The following CAPN8 variants were observed in gnomAD, a reference collection of about 807,000 sequenced individuals.
CAPN8 encodes calpain-8.
CAPN8 carries 87 observed loss-of-function variants against 80.9 expected under a neutral mutation model. The observed-to-expected ratio is 1.07, with a 90% CI of 0.90 to 1.28. CAPN8 has a LOEUF of 1.28. Among genes scored for constraint, CAPN8 ranks in the 50% most tolerant of loss-of-function variants. The probability of loss-of-function intolerance (pLI) is 0.00; values close to 1 mark genes in which losing one functional copy is unlikely to be tolerated. For missense variants in CAPN8, 757 were observed against 702.0 expected, an observed-to-expected ratio of 1.08 and a Z score of -0.89; for synonymous variants, 299 against 273.8, an observed-to-expected ratio of 1.09 and a Z score of -0.91.
intron 3 of CAPN8, 72 bp downstream of exon 3, chr1:223,628,590 G>A: frequency 1.7e-6 from 2 of 1,203,444 alleles, no homozygotes; most frequent in Non-Finnish European, 2.4e-6. Context: ...CAGAATTTCT[G>A]ACGCAGTGGA....
chr1:223,664,966 T>C (rs1174523613), intron 1 of CAPN8, among the ~76,000 whole-genome samples: 2 of 150,450 alleles, frequency 1.3e-5, no homozygotes, highest in African/African-American at 2.5e-5. Flanking sequence ...CAAAAGGTGA[T>C]GGGGGGGCCA....
intron 1 of CAPN8, among the ~76,000 whole-genome samples, chr1:223,659,221 T>G (rs768704996): frequency 3.3e-5 from 5 of 152,216 alleles, no homozygotes; most frequent in Non-Finnish European, 7.3e-5. Context: ...GATGGCTGTT[T>G]GGCCACACTG....
At chr1:223,664,614 T>C (rs1319878847) in intron 1 of CAPN8, among the ~76,000 whole-genome samples, 1 of 152,224 alleles carries the variant, frequency 6.6e-6, no homozygotes, top group Non-Finnish European at 1.5e-5. Context: ...AGCTCATCCA[T>C]GCTCTTCTCT....
At chr1:223,644,521 G>C (rs768791217) in intron 2 of CAPN8, 8 of 154,058 alleles carry the variant, frequency 5.2e-5, no homozygotes, top group Non-Finnish European at 1.0e-4. Context: ...TACAACAGTG[G>C]GGAAAAACAG....
chr1:223,620,226 C>G lies in CAPN8; in HGVS notation c.940G>C (p.Glu314Gln). 1 of 1,551,684 alleles carries G rather than the reference C, an allele frequency of 6.4e-7. No homozygotes were observed. ...CCATCCTCAACTTTCTTGTCCAGTTCTTCCTTCCGCCGGGGGTCTATGTGA... is the reference window on the plus strand; with the variant it reads ...CCATCCTCAACTTTCTTGTCCAGTTGTTCCTTCCGCCGGGGGTCTATGTGA... Reference protein sequence around the residue: ...WNHIDPRRKEELDKKVEDGEF... With the variant: ...WNHIDPRRKEQLDKKVEDGEF... Residue 314 changes from glutamate to glutamine, a missense_variant, in exon 8 of 21, where the codon GAA (glutamate) becomes CAA (glutamine). Physicochemically the swap from Glu to Gln is conservative, Grantham distance 29. Transcript: ENST00000366872.
chr1:223,550,308 C>A (rs1656749192), intron 15 of CAPN8, among the ~76,000 whole-genome samples: 1 of 152,154 alleles, frequency 6.6e-6, no homozygotes, highest in Non-Finnish European at 1.5e-5. Flanking sequence ...GGGCCAAGCC[C>A]CTGCTTCCTG....
intron 8 of CAPN8, among the ~76,000 whole-genome samples, chr1:223,619,918 A>G (rs961702073): frequency 3.3e-5 from 5 of 152,230 alleles, no homozygotes; most frequent in Admixed American, 2.0e-4. Context: ...TTAAAGAGAT[A>G]GAAGCAGTGC....
intron 17 of CAPN8, 152 bp from the exon 18 acceptor site, chr1:223,545,002 T>A: frequency 6.9e-7 from 1 of 1,456,878 alleles, no homozygotes; most frequent in South Asian, 1.4e-5. Context: ...AGAGCAAGCA[T>A]AAGAGCTTGG....
At chr1:223,661,456 C>G (rs925157308) in intron 1 of CAPN8, among the ~76,000 whole-genome samples, 13 of 152,144 alleles carry the variant, frequency 8.5e-5, no homozygotes. Context: ...ATGGCAAAAC[C>G]CTGTCTCTAC....
At chr1:223,631,284 T>C (rs889544847) in intron 2 of CAPN8, among the ~76,000 whole-genome samples, 9 of 152,134 alleles carry the variant, frequency 5.9e-5, no homozygotes, top group Admixed American at 2.0e-4. Context: ...AAAGACCTTA[T>C]TTACGCTTCT....
intron 2 of CAPN8, among the ~76,000 whole-genome samples, chr1:223,634,727 T>C (rs1382773531): frequency 6.6e-6 from 1 of 152,170 alleles, no homozygotes; most frequent in Non-Finnish European, 1.5e-5. Context: ...CTCTAGGGCG[T>C]CTTTTATAAA....
intron 2 of CAPN8, among the ~76,000 whole-genome samples, chr1:223,632,680 T>G (rs1331327403): frequency 2.0e-5 from 3 of 152,158 alleles, no homozygotes; most frequent in Non-Finnish European, 4.4e-5. Flanking sequence ...AATTTTCAAT[T>G]TTTTAATTTT....
chr1:223,543,734 A>T (rs754787818), intron 19 of CAPN8, among the ~76,000 whole-genome samples: 112 of 152,224 alleles, frequency 7.4e-4, no homozygotes, highest in Admixed American at 1.7e-3. Flanking sequence ...ATATAAATAG[A>T]CACTAAACAC....
chr1:223,611,442 T>C (rs1234952246), intron 11 of CAPN8, among the ~76,000 whole-genome samples: 1 of 152,234 alleles, frequency 6.6e-6, no homozygotes, highest in Non-Finnish European at 1.5e-5. Context: ...TGCCCCTTAA[T>C]TTGCATATAA....
intron 1 of CAPN8, among the ~76,000 whole-genome samples, chr1:223,655,532 C>T (rs927417915): frequency 2.0e-5 from 3 of 152,044 alleles, no homozygotes; most frequent in African/African-American, 7.3e-5. Context: ...AGAAATAAAC[C>T]ACGTAGTTCT....
At chr1:223,558,046 A>G (rs900696801) in intron 13 of CAPN8, 85 bp downstream of exon 13, 10 of 398,284 alleles carry the variant, frequency 2.5e-5, no homozygotes, top group Non-Finnish European at 4.0e-5. Context: ...TCCTTAATAC[A>G]TAAAGATTCT....
chr1:223,615,301 A>C (rs1420941295), intron 10 of CAPN8, among the ~76,000 whole-genome samples: 1 of 152,216 alleles, frequency 6.6e-6, no homozygotes, highest in African/African-American at 2.4e-5. Context: ...CTGTATAAAA[A>C]AGTGGATTCC....
intron 14 of CAPN8, among the ~76,000 whole-genome samples, chr1:223,553,407 T>C (rs1341989580): frequency 6.6e-6 from 1 of 152,186 alleles, no homozygotes; most frequent in African/African-American, 2.4e-5. Flanking sequence ...GGGCTAGTCC[T>C]GCACACTAAT....
chr1:223,629,790 T>C (rs61825213), intron 2 of CAPN8, among the ~76,000 whole-genome samples: 68,120 of 151,714 alleles, frequency 0.45, 15,646 homozygotes, highest in Non-Finnish European at 0.49. Context: ...TCCACCTTCA[T>C]TGTAGATCTC....
Sources: allele counts gnomAD v4.1 joint callset (sites outside exome capture counted in the v4.1 genomes callset), GRCh38; gene constraint gnomAD v4.1.1; transcripts MANE v1.5; gene names NCBI Gene and HGNC (gene_info 2026-07-23, HGNC 2026-07-21).